Variants in RNF185 observed in about 807,000 individuals in gnomAD.
RNF185 encodes E3 ubiquitin-protein ligase RNF185.
Under a neutral mutation model 24.9 loss-of-function variants are expected in RNF185, and 13 were observed. The ratio of observed to expected loss-of-function variants is 0.52; its 90% CI spans 0.34 to 0.83. The LOEUF (loss-of-function observed/expected upper bound fraction) is 0.83. Ranked by LOEUF, RNF185 falls within the 40% of genes least tolerant of loss-of-function variation. The pLI is 0.01. For missense variants in RNF185, 184 were observed against 244.7 expected (o/e 0.75, Z 1.65); for synonymous variants, 79 against 90.3 (o/e 0.88, Z 0.71).
chr22:31,171,197 CAG>C (rs937117616), intron 1 of RNF185, among the ~76,000 whole-genome samples: 5 of 46,894 alleles, frequency 1.1e-4, no homozygotes, highest in Admixed American at 8.0e-4. Flanking sequence ...ATTTTTGAGA[CAG>C]AGTTTTGTTG....
intron 1 of RNF185, among the ~76,000 whole-genome samples, chr22:31,171,562 G>A (rs1430513045): frequency 6.6e-6 from 1 of 152,162 alleles, no homozygotes; most frequent in East Asian, 1.9e-4. Context: ...TACAATGGAG[G>A]TGGCTCAAGG....
chr22:31,181,432 A>G (rs1346702239), intron 1 of RNF185, among the ~76,000 whole-genome samples: 1 of 152,202 alleles, frequency 6.6e-6, no homozygotes, highest in Non-Finnish European at 1.5e-5. Flanking sequence ...CCCAGCTTCA[A>G]CAACCAACTT....
chr22:31,183,830 C>T (rs1169107643), intron 1 of RNF185, among the ~76,000 whole-genome samples: 2 of 152,220 alleles, frequency 1.3e-5, no homozygotes, highest in African/African-American at 2.4e-5. Context: ...CTTTTCCCCA[C>T]ATTTCCCCCT....
intron 1 of RNF185, among the ~76,000 whole-genome samples, chr22:31,160,552 G>T (rs1052207239): frequency 3.3e-5 from 5 of 152,202 alleles, no homozygotes; most frequent in African/African-American, 1.2e-4. Flanking sequence ...TCCTTTCGAG[G>T]CATGGGCACT....
At chr22:31,186,995 C>T in intron 1 of RNF185, 52 bp from the exon 2 acceptor site, 1 of 1,256,460 alleles carries the variant, frequency 8.0e-7, no homozygotes, top group Non-Finnish European at 1.1e-6. Flanking sequence ...GGCATGGAAG[C>T]TGGGGGGAGA....
intron 1 of RNF185, among the ~76,000 whole-genome samples, chr22:31,168,322 G>C (rs1411381405): frequency 6.6e-6 from 1 of 152,140 alleles, no homozygotes; most frequent in Non-Finnish European, 1.5e-5. Flanking sequence ...ACCCAGCTTA[G>C]TATTTGTCTT....
intron 5 of RNF185, 27 bp downstream of exon 5, chr22:31,197,017 T>C: frequency 6.2e-7 from 1 of 1,613,282 alleles, no homozygotes; most frequent in Non-Finnish European, 8.5e-7. Flanking sequence ...GAGAAGCTTC[T>C]ACAAATGAGC....
In RNF185 at chr22:31,202,466, C is replaced by CT. The variant is rs149789579; in HGVS notation, c.481+852dup. On this transcript the variant is annotated intron_variant, in intron 6 of 6. Transcript: ENST00000326132. ...TGGTAACTGGGTCATCCCAGTTATT[C>CT]TCATCCCCACCCTGGTCCTTGGTAC... Among the ~76,000 whole-genome samples the CT allele has an allele frequency of 0.02, 3,060 of 152,130 alleles. 167 individuals carry two copies. The East Asian group carries it at 0.23, about 11-fold the overall frequency.
At chr22:31,191,091 T>G (rs2048151516) in intron 2 of RNF185, among the ~76,000 whole-genome samples, 1 of 152,244 alleles carries the variant, frequency 6.6e-6, no homozygotes, top group African/African-American at 2.4e-5. Context: ...TGAAATTGCC[T>G]AATGACACAT....
At chr22:31,192,626 C>A in intron 2 of RNF185, 58 bp from the exon 3 acceptor site, 3 of 1,505,960 alleles carry the variant, frequency 2.0e-6, no homozygotes, top group Non-Finnish European at 1.8e-6. Flanking sequence ...AAACATTTTT[C>A]TTCCTTTCCC....
intron 1 of RNF185, among the ~76,000 whole-genome samples, chr22:31,171,156 C>CTTAT (rs55965706): frequency 0.014 from 1,946 of 143,212 alleles, 17 homozygotes; most frequent in East Asian, 0.022. Context: ...CTCTGATTTA[C>CTTAT]TTATTTATTT....
chr22:31,173,542 C>CT (rs1425848583), intron 1 of RNF185, among the ~76,000 whole-genome samples: 4 of 152,122 alleles, frequency 2.6e-5, no homozygotes, highest in Admixed American at 2.0e-4. Flanking sequence ...GAACAGATCA[C>CT]TGAGTTACCA....
At position 31,187,278 on chromosome 22, in the gene RNF185, C is replaced by G. The variant is rs775198810; in HGVS notation, c.176+8C>G. 1.2e-6 allele frequency: 2 copies of G among 1,613,542 alleles called. No individual in the cohort carries two copies. The highest frequency in any genetic ancestry group is 1.7e-6 in the Non-Finnish European group (2 of 1,179,670). ...GTGTGGCCACCTCTTCTGGTCAGTA[C>G]CCCTACTTCCACCCCAGAGAGCACA... is the stretch of plus-strand genomic sequence containing the variant. On this transcript the variant is annotated splice_region_variant and intron_variant, in intron 2 of 6. Coordinates refer to ENST00000326132, the MANE Select transcript of RNF185 (RefSeq NM_152267.4).
At chr22:31,174,118 T>C (rs1381527289) in intron 1 of RNF185, among the ~76,000 whole-genome samples, 1 of 152,214 alleles carries the variant, frequency 6.6e-6, no homozygotes, top group Non-Finnish European at 1.5e-5. Context: ...TCTCTATTTC[T>C]TAGAACTGTC....
intron 3 of RNF185, among the ~76,000 whole-genome samples, chr22:31,193,157 C>T (rs1487725200): frequency 6.6e-6 from 1 of 152,100 alleles, no homozygotes; most frequent in African/African-American, 2.4e-5. Flanking sequence ...CAGAGCTGGG[C>T]CTGGCATTCA....
chr22:31,192,822 C>G (rs1416825036), intron 3 of RNF185, 120 bp downstream of exon 3: 3 of 872,424 alleles, frequency 3.4e-6, no homozygotes, highest in South Asian at 1.4e-5. Flanking sequence ...CATTTGCTTA[C>G]TTACCCCCAC....
chr22:31,180,256 A>C (rs552180079), intron 1 of RNF185, among the ~76,000 whole-genome samples: 2 of 152,184 alleles, frequency 1.3e-5, no homozygotes, highest in Non-Finnish European at 2.9e-5. Context: ...TGAGGTCAGG[A>C]GTTCAAGAGC....
chr22:31,181,350 G>GA (rs71757508), intron 1 of RNF185, among the ~76,000 whole-genome samples: 54 of 147,662 alleles, frequency 3.7e-4, no homozygotes, highest in Middle Eastern at 3.4e-3. Context: ...TCAAAAAAAA[G>GA]AAAAAAAAAA....
chr22:31,193,013 A>G (rs896451005), intron 3 of RNF185, among the ~76,000 whole-genome samples: 10 of 152,210 alleles, frequency 6.6e-5, no homozygotes, highest in African/African-American at 2.4e-4. Context: ...AGTGCCTCCT[A>G]TCATATCAAC....
Sources: allele counts gnomAD v4.1 joint callset (sites outside exome capture counted in the v4.1 genomes callset), GRCh38; gene constraint gnomAD v4.1.1; transcripts MANE v1.5; gene names NCBI Gene and HGNC (gene_info 2026-07-23, HGNC 2026-07-21).